Variants in ARB2A observed in about 807,000 individuals in gnomAD.
ARB2A encodes the protein ARB2 cotranscriptional regulator A.
chr5:93,655,529 C>T, the ARB2A span, among the ~76,000 whole-genome samples: 1 of 152,090 alleles, frequency 6.6e-6, no homozygotes, highest in African/African-American at 2.4e-5. Context: ...TTTTTTTCCT[C>T]TGGTGCCCAG....
chr5:93,729,878 C>A, the ARB2A span, among the ~76,000 whole-genome samples: 1 of 152,174 alleles, frequency 6.6e-6, no homozygotes, highest in East Asian at 1.9e-4. Flanking sequence ...ATTAAAAAAT[C>A]TACACTTACA....
the ARB2A span, among the ~76,000 whole-genome samples, chr5:93,630,599 G>A: frequency 2.0e-5 from 3 of 152,114 alleles, no homozygotes; most frequent in Non-Finnish European, 4.4e-5. Flanking sequence ...CGAAGCGTGG[G>A]GGTGGTACAA....
At chr5:93,978,061 T>G in the ARB2A span, among the ~76,000 whole-genome samples, 4 of 152,174 alleles carry the variant, frequency 2.6e-5, no homozygotes. Context: ...AAAGCCACTA[T>G]GAGATACCTT....
chr5:93,997,940 C>A, the ARB2A span, among the ~76,000 whole-genome samples: 1 of 151,850 alleles, frequency 6.6e-6, no homozygotes, highest in African/African-American at 2.4e-5. Context: ...ATCCCACTGT[C>A]CTGATCAAAC....
chr5:93,750,174 A>G, the ARB2A span, among the ~76,000 whole-genome samples: 1 of 152,238 alleles, frequency 6.6e-6, no homozygotes, highest in Non-Finnish European at 1.5e-5. Flanking sequence ...ATCAAGAATA[A>G]TGCAAATTAG....
chr5:93,628,310 A>G, the ARB2A span, among the ~76,000 whole-genome samples: 1 of 151,970 alleles, frequency 6.6e-6, no homozygotes, highest in Non-Finnish European at 1.5e-5. Flanking sequence ...CGGCCTCCCA[A>G]AGTGCTGGGA....
chr5:93,917,846 C>G, the ARB2A span, among the ~76,000 whole-genome samples: 1 of 152,126 alleles, frequency 6.6e-6, no homozygotes, highest in Non-Finnish European at 1.5e-5. Context: ...CCACTGCACT[C>G]AAGCCTGAAT....
the ARB2A span, among the ~76,000 whole-genome samples, chr5:94,039,040 G>A: frequency 2.0e-5 from 3 of 152,098 alleles, no homozygotes; most frequent in Non-Finnish European, 4.4e-5. Flanking sequence ...CCTTTCCACA[G>A]GTTCTCAGTT....
chr5:94,094,455 T>C, the ARB2A span, among the ~76,000 whole-genome samples: 1 of 152,162 alleles, frequency 6.6e-6, no homozygotes, highest in African/African-American at 2.4e-5. Flanking sequence ...GCAATCATAT[T>C]GGGGTTAGGG....
the ARB2A span, among the ~76,000 whole-genome samples, chr5:93,728,548 T>A: frequency 1.2e-4 from 19 of 152,076 alleles, no homozygotes; most frequent in Admixed American, 6.6e-5. Context: ...CAGTTTTTTT[T>A]AAAATCAAAA....
the ARB2A span, among the ~76,000 whole-genome samples, chr5:93,851,519 T>A: frequency 6.6e-6 from 1 of 152,186 alleles, no homozygotes; most frequent in Admixed American, 6.5e-5. Flanking sequence ...TAGTTACACA[T>A]GTATACATGT....
the ARB2A span, among the ~76,000 whole-genome samples, chr5:94,058,705 G>C: frequency 1.4e-4 from 21 of 152,326 alleles, no homozygotes; most frequent in East Asian, 3.9e-3. Context: ...TTATTGACCA[G>C]TGTGACAATG....
chr5:93,741,346 C>A, the ARB2A span: 1 of 1,611,334 alleles, frequency 6.2e-7, no homozygotes. Flanking sequence ...TATCCAGCCC[C>A]GGAATTCGTG....
the ARB2A span, among the ~76,000 whole-genome samples, chr5:93,668,087 AT>A: frequency 6.6e-6 from 1 of 152,200 alleles, no homozygotes. Context: ...TAAAAATATT[AT>A]GTTCTTAAAG....
the ARB2A span, among the ~76,000 whole-genome samples, chr5:94,033,778 T>C: frequency 6.6e-6 from 1 of 152,172 alleles, no homozygotes; most frequent in Non-Finnish European, 1.5e-5. Flanking sequence ...GAGACACAAA[T>C]GGAGTGCTAT....
chr5:93,684,347 C>G, the ARB2A span, among the ~76,000 whole-genome samples: 1 of 152,182 alleles, frequency 6.6e-6, no homozygotes, highest in Non-Finnish European at 1.5e-5. Flanking sequence ...GAATCTGACT[C>G]ATATTGTTAC....
At chr5:93,855,676 T>C in the ARB2A span, among the ~76,000 whole-genome samples, 1 of 152,190 alleles carries the variant, frequency 6.6e-6, no homozygotes, top group Non-Finnish European at 1.5e-5. Flanking sequence ...TCTCTCAGCA[T>C]TTGCTTCTCT....
At chr5:93,881,425 T>C in the ARB2A span, 253 of 1,388,064 alleles carry the variant, frequency 1.8e-4, no homozygotes, top group Non-Finnish European at 2.4e-4. Context: ...ATAAAATATA[T>C]ACAAGGTAAA....
chr5:93,697,628 A>T, the ARB2A span, among the ~76,000 whole-genome samples: 1 of 152,188 alleles, frequency 6.6e-6, no homozygotes, highest in African/African-American at 2.4e-5. Context: ...TTAATGAAAA[A>T]AATTTTTAAC....
Sources: allele counts gnomAD v4.1 joint callset (sites outside exome capture counted in the v4.1 genomes callset), GRCh38; gene constraint gnomAD v4.1.1; transcripts MANE v1.5; gene names NCBI Gene and HGNC (gene_info 2026-07-23, HGNC 2026-07-21).